ANP32E: variants seen among roughly 807,000 people sequenced by gnomAD.
The protein encoded by ANP32E is acidic nuclear phosphoprotein 32 family member E, also known as acidic leucine-rich nuclear phosphoprotein 32 family member E.
ANP32E carries 14 observed loss-of-function variants against 35.3 expected under a neutral mutation model. That is an observed-to-expected ratio of 0.40 (90% CI 0.26 to 0.62). The LOEUF is 0.62. ANP32E is among the 20% of genes least tolerant of loss of function. The pLI is 0.45. For synonymous variants in ANP32E, 89 were observed against 110.4 expected (o/e 0.81, Z 1.22); for missense variants, 198 against 304.4 (o/e 0.65, Z 2.60).
At chr1:150,232,193 A>C (rs1198336066) in intron 1 of ANP32E, among the ~76,000 whole-genome samples, 1 of 150,762 alleles carries the variant, frequency 6.6e-6, no homozygotes, top group African/African-American at 2.4e-5. Context: ...AAATACAAAA[A>C]ATTAGCCGGG....
At chr1:150,221,460 TAAGAGAGGAAGAGAGG>T (rs139006485) in intron 6 of ANP32E, among the ~76,000 whole-genome samples, 1 of 111,846 alleles carries the variant, frequency 8.9e-6, no homozygotes, top group Non-Finnish European at 1.7e-5. Context: ...GAGGGCAGGC[TAAGAGAGGAAGAGAGG>T]AAGAGAGGAA....
At chr1:150,228,882 C>T (rs1229668629) in intron 4 of ANP32E, among the ~76,000 whole-genome samples, 190 bp downstream of exon 4, 3 of 152,038 alleles carry the variant, frequency 2.0e-5, no homozygotes, top group Non-Finnish European at 4.4e-5. Context: ...TCATTAAATT[C>T]CCTGAAACTA....
chr1:150,228,834 A>C (rs959286210), intron 4 of ANP32E, among the ~76,000 whole-genome samples: 22 of 152,200 alleles, frequency 1.4e-4, no homozygotes, highest in Non-Finnish European at 3.1e-4. Context: ...ACAACTTTCT[A>C]CAGATATAAA....
intron 5 of ANP32E, among the ~76,000 whole-genome samples, chr1:150,224,533 C>T (rs1043890593): frequency 3.3e-5 from 5 of 151,512 alleles, no homozygotes; most frequent in Non-Finnish European, 5.9e-5. Flanking sequence ...GAGATCGCAC[C>T]ACCCACTCCA....
chr1:150,231,995 T>G, intron 1 of ANP32E, 69 bp from the exon 2 acceptor site: 1 of 1,453,656 alleles, frequency 6.9e-7, no homozygotes, highest in Non-Finnish European at 9.3e-7. Flanking sequence ...ACCTGGGTCT[T>G]GACACTCTGG....
In ANP32E at chr1:150,229,299, T is replaced by TA. The variant is rs1491371105; in HGVS notation, c.328-63_328-62insT. On this transcript the variant is annotated intron_variant, in intron 3 of 6. Transcript: ENST00000583931. Reference sequence around the variant, plus strand: ...AAAATACCATGTTATTTCTTTTTTCTTTTTTTTTTTTTTTTTTTGAGACGG... The same window carrying TA: ...AAAATACCATGTTATTTCTTTTTTCTATTTTTTTTTTTTTTTTTTGAGACGG... The TA allele has an allele frequency of 8.9e-5, 39 of 437,200 alleles. No homozygotes were observed. The East Asian group carries it at 2.2e-3, about 25-fold the overall frequency. The allele number at this position is 437,200 out of a possible 1,614,324, so 27.1% of individuals were successfully genotyped here.
intron 2 of ANP32E, among the ~76,000 whole-genome samples, chr1:150,231,381 G>T: frequency 6.6e-6 from 1 of 152,092 alleles, no homozygotes; most frequent in Non-Finnish European, 1.5e-5. Context: ...GATGACCGGA[G>T]CCCAGGAATT....
Position 150,235,626 on chromosome 1 carries a change from G to A in ANP32E, c.54+107C>T. ...TCCCCAACCCTAACCCGGGGGGATG[G>A]GGGCTAACTTATTACTCCATCCCCG... On this transcript the variant is annotated intron_variant, in intron 1 of 6. Coordinates refer to ENST00000583931, the MANE Select transcript of ANP32E (RefSeq NM_030920.5). This position sits in a 1 kb window ranked among gnomAD's most constrained non-coding sequence, Gnocchi z 4.2. 2 of 1,224,652 alleles carry A rather than the reference G, an allele frequency of 1.6e-6. No individual in the cohort carries two copies. Among genetic ancestry groups the A allele is most frequent in the Non-Finnish European group, 2.3e-6 (2 of 859,902 alleles). The allele number at this position is 1,224,652 out of a possible 1,614,324, so 75.9% of individuals were successfully genotyped here.
chr1:150,235,690 A>C lies in ANP32E; in HGVS notation c.54+43T>G. ...GACCACCAGAAATCCGATCCTCAGA[A>C]TACTGGACTGATGGGGAAGCGGTGG... On this transcript the variant is annotated intron_variant, in intron 1 of 6. Transcript: ENST00000583931. This position sits in a 1 kb window ranked among gnomAD's most constrained non-coding sequence, Gnocchi z 4.2. The C allele has an allele frequency of 3.7e-6, 6 of 1,612,528 alleles. No homozygotes were observed. Among genetic ancestry groups the C allele is most frequent in the Non-Finnish European group, 4.2e-6 (5 of 1,179,116 alleles).
intron 6 of ANP32E, among the ~76,000 whole-genome samples, chr1:150,221,738 A>G (rs1161187641): frequency 6.6e-6 from 1 of 152,214 alleles, no homozygotes; most frequent in Non-Finnish European, 1.5e-5. Context: ...CCTTGTGGCC[A>G]TATCATGAAG....
chr1:150,232,559 C>A (rs1284882986), intron 1 of ANP32E, among the ~76,000 whole-genome samples: 2 of 150,220 alleles, frequency 1.3e-5, no homozygotes, highest in African/African-American at 4.9e-5. Flanking sequence ...TAACCTCTGC[C>A]TCCTGGGTCC....
intron 4 of ANP32E, among the ~76,000 whole-genome samples, chr1:150,228,817 TG>T (rs1649099021): frequency 6.6e-6 from 1 of 152,186 alleles, no homozygotes; most frequent in Admixed American, 6.6e-5. Context: ...CCACTTTTAC[TG>T]GGTGTACAAC....
intron 1 of ANP32E, among the ~76,000 whole-genome samples, chr1:150,234,426 T>TAC (rs1202635916): frequency 7.1e-6 from 1 of 141,510 alleles, no homozygotes; most frequent in African/African-American, 2.7e-5. Context: ...AACAGGCACT[T>TAC]AAAAAAAAAA....
intron 1 of ANP32E, among the ~76,000 whole-genome samples, chr1:150,234,199 C>A (rs1553842624): frequency 1.4e-5 from 2 of 146,746 alleles, no homozygotes; most frequent in East Asian, 2.1e-4. Context: ...AGAATCCTGG[C>A]GGGGGAGGCG....
At position 150,226,511 on chromosome 1, in the gene ANP32E, G is replaced by T; in HGVS notation, c.681+97C>A. ...TAGACATATGCACACCCACAACTTAGAAACAACTCTCAGATTGCTACAAAA... is the reference window on the plus strand; with the variant it reads ...TAGACATATGCACACCCACAACTTATAAACAACTCTCAGATTGCTACAAAA... On this transcript the variant is annotated intron_variant, in intron 5 of 6. Transcript: ENST00000583931. The T allele has an allele frequency of 5.5e-6, 8 of 1,462,578 alleles. No homozygotes were observed. The South Asian group carries it at 9.3e-5, about 17-fold the overall frequency. 90.6% of individuals were successfully genotyped at this position (1,462,578 alleles called of 1,614,324 possible). A position where few individuals can be genotyped will look rare whatever the true frequency, so the allele number is the denominator to read the frequency against.
rs1559991347 is a variant in ANP32E, at chr1:150,219,513, A to G, written c.*1178T>C. The G allele has an allele frequency of 6.6e-6, 1 of 152,236 alleles. No homozygotes were observed. The highest frequency in any genetic ancestry group is 1.9e-4 in the East Asian group (1 of 5,206). The allele number at this position is 152,236 out of a possible 1,614,324, so 9.4% of individuals were successfully genotyped here. On this transcript the variant is annotated 3_prime_UTR_variant, in exon 7 of 7. Transcript: ENST00000583931. ...TAAAACTGGGAATTAAAGGTTAGAAATACTTTGCAGAGTGGTATCCAAATC... is the reference window on the plus strand; with the variant it reads ...TAAAACTGGGAATTAAAGGTTAGAAGTACTTTGCAGAGTGGTATCCAAATC...
chr1:150,224,765 G>C (rs934337201), intron 5 of ANP32E, among the ~76,000 whole-genome samples: 1 of 152,038 alleles, frequency 6.6e-6, no homozygotes, highest in Admixed American at 6.6e-5. Context: ...GCAACTTCCA[G>C]TCTAAATAAG....
Position 150,235,593 on chromosome 1 carries a change from T to G in ANP32E, c.54+140A>C. 1.1e-6 allele frequency: 1 copy of G among 906,582 alleles called. No individual in the cohort carries two copies. Among genetic ancestry groups the G allele is most frequent in the South Asian group, 1.8e-5 (1 of 55,750 alleles). The allele number at this position is 906,582 out of a possible 1,614,324, so 56.2% of individuals were successfully genotyped here. ...ATTTTAATGATTTAAAACTTAAAAT[T>G]AAACATTTCCCCAACCCTAACCCGG... is the stretch of plus-strand genomic sequence containing the variant. On this transcript the variant is annotated intron_variant, in intron 1 of 6. Transcript: ENST00000583931. This position sits in a 1 kb window ranked among gnomAD's most constrained non-coding sequence, Gnocchi z 4.2.
In ANP32E at chr1:150,235,902, A is replaced by C. The variant is rs2101803105; in HGVS notation, c.-116T>G. 2.6e-4 allele frequency: 179 copies of C among 679,136 alleles called. No homozygotes were observed. The highest frequency in any genetic ancestry group is 2.9e-4 in the East Asian group (10 of 34,714). The allele number at this position is 679,136 out of a possible 1,614,324, so 42.1% of individuals were successfully genotyped here. A position where few individuals can be genotyped will look rare whatever the true frequency, so the allele number is the denominator to read the frequency against. ...ATGAATGAAAAGGAACGCAAATATA[A>C]ACGCCCACTACCACCACCAGATAGG... On this transcript the variant is annotated 5_prime_UTR_variant, in exon 1 of 7. Coordinates refer to ENST00000583931, the MANE Select transcript of ANP32E (RefSeq NM_030920.5). The surrounding 1 kb of genome is among the most constrained non-coding windows in gnomAD (Gnocchi z 4.2).
Sources: gnomAD v4.1 joint callset for allele counts (sites outside exome capture counted in the v4.1 genomes callset) on GRCh38, gnomAD v4.1.1 for gene constraint, Gnocchi (gnomAD v3.1) non-coding constraint, MANE v1.5 for transcripts, NCBI Gene and HGNC (gene_info 2026-07-23, HGNC 2026-07-21) for gene names.